Variants in RPF2 observed in about 807,000 individuals in gnomAD.
RPF2 encodes the protein brix domain containing 1.
In RPF2, 21 loss-of-function variants were observed where a neutral mutation model predicts 38.9. That is an observed-to-expected ratio of 0.54 (90% confidence interval 0.38 to 0.78). The LOEUF is 0.78. Among genes scored for constraint, RPF2 ranks in the 30% least tolerant of loss-of-function variants. The pLI is 0.00. For missense variants in RPF2, 314 were observed against 358.1 expected, an observed-to-expected ratio of 0.88 and a Z score of 0.99; for synonymous variants, 121 against 126.2, an observed-to-expected ratio of 0.96 and a Z score of 0.28.
chr6:111,004,795 C>G (rs1771880475), intron 6 of RPF2, among the ~76,000 whole-genome samples: 1 of 151,814 alleles, frequency 6.6e-6, no homozygotes. Context: ...TCTCGGACTC[C>G]TCACCTCAAG....
At chr6:110,997,719 GA>G (rs200357643) in intron 5 of RPF2, among the ~76,000 whole-genome samples, 13,661 of 150,914 alleles carry the variant, frequency 0.091, 683 homozygotes, top group Middle Eastern at 0.12. Context: ...TTGTCTCAAG[GA>G]AAAAAAAAGT....
intron 3 of RPF2, 76 bp from the exon 4 acceptor site, chr6:110,991,671 T>C: frequency 4.0e-6 from 2 of 502,948 alleles, no homozygotes; most frequent in Middle Eastern, 5.6e-4. Context: ...ATCATCTGAA[T>C]ATAAAATTAC....
intron 4 of RPF2, among the ~76,000 whole-genome samples, chr6:110,995,801 G>A (rs1354565472): frequency 6.6e-6 from 1 of 151,966 alleles, no homozygotes; most frequent in African/African-American, 2.4e-5. Context: ...AGAACCAAAT[G>A]GATAAGATCT....
rs780241987 is a variant in RPF2 at position 110,997,164 on chromosome 6, G to C, written c.235-19G>C. 3 of 1,438,428 alleles carry C rather than the reference G, an allele frequency of 2.1e-6. No individual in the cohort carries two copies. The highest frequency in any genetic ancestry group is 2.9e-6 in the Non-Finnish European group (3 of 1,024,652). 89.1% of individuals were successfully genotyped at this position (1,438,428 alleles called of 1,614,324 possible). A position where few individuals can be genotyped will look rare whatever the true frequency, so the allele number is the denominator to read the frequency against. On this transcript the variant is annotated intron_variant, in intron 4 of 9. Coordinates refer to ENST00000441448, the MANE Select transcript of RPF2 (RefSeq NM_032194.3). ...TTAAATTTATGCATGGACTAAATGG[G>C]ATTTATTTGGTTTTATAGGAATTCT...
intron 7 of RPF2, among the ~76,000 whole-genome samples, chr6:111,011,105 G>A (rs79612288): frequency 0.032 from 4,816 of 152,182 alleles, 124 homozygotes; most frequent in South Asian, 0.083. Context: ...CAAAGCCTGA[G>A]CTTTTCTTCC....
chr6:110,995,068 A>ATT (rs146036988), intron 4 of RPF2, among the ~76,000 whole-genome samples: 1 of 151,014 alleles, frequency 6.6e-6, no homozygotes, highest in Non-Finnish European at 1.5e-5. Context: ...CCATACCCGG[A>ATT]TTTTTTTTGT....
At chr6:110,982,243 G>C in intron 1 of RPF2, 114 bp downstream of exon 1, 1 of 1,235,736 alleles carries the variant, frequency 8.1e-7, no homozygotes, top group Non-Finnish European at 1.2e-6. Context: ...TTACCTGGGT[G>C]GGGGCCGATC....
chr6:111,024,674 T>C (rs113359059), intron 9 of RPF2, among the ~76,000 whole-genome samples: 4,794 of 149,264 alleles, frequency 0.032, 108 homozygotes, highest in Middle Eastern at 0.056. Flanking sequence ...GATCACGCCA[T>C]TGCACTCCAG....
At chr6:110,982,556 A>G in intron 1 of RPF2, 1 of 187,868 alleles carries the variant, frequency 5.3e-6, no homozygotes, top group Non-Finnish European at 1.1e-5. Context: ...CGCTCACCAT[A>G]GTCATACTTC....
rs547249475 is a variant in RPF2 at position 111,014,735 on chromosome 6, T to G, written c.494-1019T>G. Reference sequence around the variant, plus strand: ...TTTTCTCAGCTGTAAAATTAAGATATCACACTTGTTTTCCAAACTTCTTTC... The same window carrying G: ...TTTTCTCAGCTGTAAAATTAAGATAGCACACTTGTTTTCCAAACTTCTTTC... On this transcript the variant is annotated intron_variant, in intron 7 of 9. Transcript: ENST00000441448. 2.6e-5 allele frequency among the ~76,000 whole-genome samples: 4 copies of G among 152,358 alleles called. No homozygotes were observed. The South Asian group carries it at 8.3e-4, about 32-fold the overall frequency.
At chr6:111,017,665 C>G (rs1324632186) in intron 8 of RPF2, among the ~76,000 whole-genome samples, 313 of 145,572 alleles carry the variant, frequency 2.2e-3, no homozygotes, top group East Asian at 0.011. Flanking sequence ...GGCGGCCGGG[C>G]AGAGACACTC....
intron 2 of RPF2, among the ~76,000 whole-genome samples, chr6:110,986,680 A>G (rs9386973): frequency 0.34 from 52,209 of 152,066 alleles, 9,723 homozygotes; most frequent in East Asian, 0.67. Flanking sequence ...TGGGCCAGGC[A>G]CAGTGGCTCA....
At chr6:110,997,127 T>C in intron 4 of RPF2, 56 bp from the exon 5 acceptor site, 1 of 1,121,732 alleles carries the variant, frequency 8.9e-7, no homozygotes, top group Non-Finnish European at 1.3e-6. Context: ...AAAGGTAAGA[T>C]TCTTAAAGTT....
chr6:111,024,379 C>G, intron 9 of RPF2, 52 bp downstream of exon 9: 2 of 1,514,886 alleles, frequency 1.3e-6, no homozygotes, highest in South Asian at 2.5e-5. Flanking sequence ...CTACTTTAAT[C>G]CTTTTTCTTT....
At chr6:111,024,397 G>T (rs1772286378) in intron 9 of RPF2, 70 bp downstream of exon 9, 2 of 1,444,348 alleles carry the variant, frequency 1.4e-6, no homozygotes, top group Admixed American at 2.4e-5. Flanking sequence ...TTTCCAAAAA[G>T]AATTTGTGGC....
At chr6:111,000,428 A>T (rs1771794334) in intron 6 of RPF2, among the ~76,000 whole-genome samples, 1 of 152,154 alleles carries the variant, frequency 6.6e-6, no homozygotes, top group Non-Finnish European at 1.5e-5. Context: ...CACCTATTTT[A>T]TGGAACCTTA....
Position 110,999,883 on chromosome 6 carries a change from C to G in RPF2, c.393+96C>G, listed in dbSNP as rs904437269. Reference sequence around the variant, plus strand: ...AGAGTACTGATAGAGTTTTGTAGATCAAGAACTTTGTGTTTTTATTTTGAC... The same window carrying G: ...AGAGTACTGATAGAGTTTTGTAGATGAAGAACTTTGTGTTTTTATTTTGAC... On this transcript the variant is annotated intron_variant, in intron 6 of 9. Coordinates refer to ENST00000441448, the MANE Select transcript of RPF2 (RefSeq NM_032194.3). 1.4e-5 allele frequency: 9 copies of G among 655,542 alleles called. No homozygotes were observed. The Admixed American group carries it at 2.2e-4, about 16-fold the overall frequency. The allele number at this position is 655,542 out of a possible 1,614,324, so 40.6% of individuals were successfully genotyped here. A position where few individuals can be genotyped will look rare whatever the true frequency, so the allele number is the denominator to read the frequency against.
At chr6:111,007,050 A>G (rs1771921936) in intron 6 of RPF2, among the ~76,000 whole-genome samples, 1 of 152,034 alleles carries the variant, frequency 6.6e-6, no homozygotes, top group African/African-American at 2.4e-5. Context: ...TCAAAAAAAA[A>G]AGGTTTTTTG....
In RPF2 at chr6:110,985,113, C is replaced by T. The variant is rs976944574; in HGVS notation, c.131C>T (p.Thr44Ile). 1.9e-6 allele frequency: 3 copies of T among 1,613,308 alleles called. No homozygotes were observed. The African/African-American group carries it at 4.0e-5, about 22-fold the overall frequency. Residue 44 changes from threonine (T) to isoleucine (I), a missense_variant, in exon 2 of 10, where the codon ACA becomes ATA. Thr to Ile is a moderately conservative substitution (Grantham distance 89). Coordinates refer to ENST00000441448, the MANE Select transcript of RPF2 (RefSeq NM_032194.3). ...ATTAAAGGGGGAAATGCAAATGCAA[C>T]AGTGACAAAAGTACTTAAAGATGTG... ...MLIKGGNANATVTKVLKDVYA... is the reference protein window; with the variant it reads ...MLIKGGNANAIVTKVLKDVYA...
Sources: allele counts gnomAD v4.1 joint callset (sites outside exome capture counted in the v4.1 genomes callset), GRCh38; gene constraint gnomAD v4.1.1; transcripts MANE v1.5; gene names NCBI Gene and HGNC (gene_info 2026-07-23, HGNC 2026-07-21).